TLK2: variants seen among roughly 807,000 people sequenced by gnomAD.
The protein encoded by TLK2 is serine/threonine-protein kinase tousled-like 2.
A neutral mutation model predicts 117.3 loss-of-function variants in TLK2; 6 were observed. The observed-to-expected ratio is 0.05, with a 90% confidence interval of 0.03 to 0.10. TLK2 has a LOEUF of 0.10. Ranked by LOEUF, TLK2 falls within the 10% of genes least tolerant of loss-of-function variation. The pLI, the probability that TLK2 is intolerant of heterozygous loss-of-function variation, is 1.00. For synonymous variants in TLK2, 257 were observed against 316.7 expected (o/e 0.81, Z 2.00); for missense variants, 299 against 901.2 (o/e 0.33, Z 8.56).
chr17:62,526,754 C>A (rs1483665772), intron 6 of TLK2, among the ~76,000 whole-genome samples: 1 of 152,212 alleles, frequency 6.6e-6, no homozygotes, highest in Non-Finnish European at 1.5e-5. Flanking sequence ...CAAATGTAAT[C>A]CATCAGAAAA....
chr17:62,553,459 G>A, intron 8 of TLK2: 1 of 540,568 alleles, frequency 1.8e-6, no homozygotes, highest in Admixed American at 3.4e-5. Context: ...TGAAGTGTAG[G>A]TGTAGTGGGA....
At chr17:62,540,006 C>T (rs2077391939) in intron 7 of TLK2, among the ~76,000 whole-genome samples, 1 of 151,978 alleles carries the variant, frequency 6.6e-6, no homozygotes, top group South Asian at 2.1e-4. Context: ...CCACCCGAAA[C>T]CCATTTCTCC....
chr17:62,560,639 A>T (rs2146348089), intron 10 of TLK2, among the ~76,000 whole-genome samples: 1 of 151,878 alleles, frequency 6.6e-6, no homozygotes, highest in East Asian at 1.9e-4. Context: ...ATCTCTGTTA[A>T]TAGGTATTAG....
chr17:62,589,879 T>G (rs1169080194), intron 16 of TLK2, among the ~76,000 whole-genome samples: 1 of 151,888 alleles, frequency 6.6e-6, no homozygotes, highest in Admixed American at 6.5e-5. Flanking sequence ...CGATCTCCAC[T>G]CACTGCAAGC....
chr17:62,522,539 T>C (rs1007585890), intron 4 of TLK2, among the ~76,000 whole-genome samples: 1 of 152,188 alleles, frequency 6.6e-6, no homozygotes, highest in African/African-American at 2.4e-5. Context: ...ACACCAAATA[T>C]ATATTGTACA....
At chr17:62,536,084 G>C in intron 6 of TLK2, 86 bp from the exon 7 acceptor site, 2 of 1,453,664 alleles carry the variant, frequency 1.4e-6, no homozygotes, top group Non-Finnish European at 1.9e-6. Flanking sequence ...TCTTATATTT[G>C]ATAACTGTTT....
chr17:62,508,074 A>G (rs1195311886), intron 2 of TLK2, among the ~76,000 whole-genome samples: 2 of 152,038 alleles, frequency 1.3e-5, no homozygotes, highest in Non-Finnish European at 2.9e-5. Context: ...AGATCTTATC[A>G]AAATTAGTTT....
chr17:62,547,557 A>G (rs1003267475), intron 7 of TLK2, among the ~76,000 whole-genome samples: 2 of 152,004 alleles, frequency 1.3e-5, no homozygotes, highest in Non-Finnish European at 2.9e-5. Context: ...TTTCATGAGG[A>G]TTTTCTGCTT....
chr17:62,516,812 T>C, intron 2 of TLK2: 1 of 1,217,256 alleles, frequency 8.2e-7, no homozygotes, highest in Non-Finnish European at 1.2e-6. Context: ...AAGCTAGTTT[T>C]AGTTCTTATG....
In TLK2 at chr17:62,614,503, C is replaced by G. The variant is rs1377866575; in HGVS notation, c.*1938C>G. ...TGTTCCTTTCACATGTGAACAGTGTCACTGATGACACATTTTCTAGGACCT... is the reference window on the plus strand; with the variant it reads ...TGTTCCTTTCACATGTGAACAGTGTGACTGATGACACATTTTCTAGGACCT... On this transcript the variant is annotated 3_prime_UTR_variant, in exon 22 of 22. Coordinates refer to ENST00000346027, the MANE Select transcript of TLK2 (RefSeq NM_006852.6). 1 of 152,200 alleles carries G rather than the reference C, an allele frequency of 6.6e-6. No individual in the cohort carries two copies. The highest frequency in any genetic ancestry group is 1.5e-5 in the Non-Finnish European group (1 of 68,056). The allele number at this position is 152,200 out of a possible 1,614,324, so 9.4% of individuals were successfully genotyped here. A position where few individuals can be genotyped will look rare whatever the true frequency, so the allele number is the denominator to read the frequency against.
intron 18 of TLK2, among the ~76,000 whole-genome samples, chr17:62,601,407 C>CACAT (rs2082866213): frequency 6.6e-6 from 1 of 152,168 alleles, no homozygotes; most frequent in Non-Finnish European, 1.5e-5. Flanking sequence ...GAAGATGGTC[C>CACAT]ACATTTACCT....
At chr17:62,512,317 G>A (rs1311489689) in intron 2 of TLK2, among the ~76,000 whole-genome samples, 16 of 148,762 alleles carry the variant, frequency 1.1e-4, no homozygotes, top group African/African-American at 4.0e-4. Flanking sequence ...CTGCCCCCTG[G>A]GTTCAAGCAA....
At chr17:62,550,558 A>T (rs2078374915) in intron 7 of TLK2, 1 of 152,214 alleles carries the variant, frequency 6.6e-6, no homozygotes, top group Non-Finnish European at 1.5e-5. Context: ...AGTACTTAAT[A>T]AATAGTCATT....
chr17:62,590,675 C>G (rs1598800605), intron 16 of TLK2, among the ~76,000 whole-genome samples: 1 of 152,108 alleles, frequency 6.6e-6, no homozygotes, highest in Admixed American at 6.6e-5. Flanking sequence ...GATAGGGTCT[C>G]ACTATGTTGC....
intron 16 of TLK2, among the ~76,000 whole-genome samples, chr17:62,590,087 A>G (rs1446136367): frequency 7.5e-5 from 11 of 147,546 alleles, no homozygotes; most frequent in East Asian, 2.2e-4. Context: ...GATTACAGGC[A>G]TGAGCCACCG....
intron 2 of TLK2, among the ~76,000 whole-genome samples, chr17:62,518,406 G>T (rs2145458505): frequency 6.6e-6 from 1 of 152,190 alleles, no homozygotes; most frequent in East Asian, 1.9e-4. Context: ...ACAACTAAAT[G>T]GAAAGGAACA....
intron 2 of TLK2, chr17:62,516,172 A>G: frequency 1.8e-6 from 1 of 546,598 alleles, no homozygotes; most frequent in Non-Finnish European, 3.3e-6. Flanking sequence ...TGATCCGCTC[A>G]CCTCGGCCTC....
chr17:62,518,839 G>C (rs1306981074), intron 2 of TLK2, among the ~76,000 whole-genome samples: 1 of 152,062 alleles, frequency 6.6e-6, no homozygotes, highest in Non-Finnish European at 1.5e-5. Context: ...AGGAAAAATT[G>C]CTTTTAAAAT....
At chr17:62,537,458 G>A (rs2077193136) in intron 7 of TLK2, among the ~76,000 whole-genome samples, 1 of 152,176 alleles carries the variant, frequency 6.6e-6, no homozygotes, top group Admixed American at 6.5e-5. Context: ...GAGTTTGCGT[G>A]TTTTCTCCAT....
Sources: gnomAD v4.1 joint callset for allele counts (sites outside exome capture counted in the v4.1 genomes callset) on GRCh38, gnomAD v4.1.1 for gene constraint, MANE v1.5 for transcripts, NCBI Gene and HGNC (gene_info 2026-07-23, HGNC 2026-07-21) for gene names.